Variants in PPP1R12B observed in about 807,000 individuals in gnomAD.
PPP1R12B encodes the protein myosin phosphatase target subunit 2.
A neutral mutation model predicts 126.1 loss-of-function variants in PPP1R12B; 76 were observed. The observed-to-expected ratio is 0.60, with a 90% CI of 0.50 to 0.73. PPP1R12B has a LOEUF of 0.73. Ranked by LOEUF, PPP1R12B falls within the 30% of genes least tolerant of loss-of-function variation. PPP1R12B has a pLI of 0.00. For missense variants in PPP1R12B, 1,052 were observed against 1,205.1 expected (o/e 0.87, Z 1.88); for synonymous variants, 356 against 434.7 (o/e 0.82, Z 2.25).
Position 202,434,523 on chromosome 1 carries a change from T to C in PPP1R12B, c.1142-133T>C, listed in dbSNP as rs113510406. ...CAAGAGTTTACAAGTTGTTAGTTTATATCCAAGCATTACAGGGCCTTAATA... is the reference window on the plus strand; with the variant it reads ...CAAGAGTTTACAAGTTGTTAGTTTACATCCAAGCATTACAGGGCCTTAATA... On this transcript the variant is annotated intron_variant, in intron 8 of 23. Transcript: ENST00000608999. 1.7e-4 allele frequency: 192 copies of C among 1,153,998 alleles called. No homozygotes were observed. The African/African-American group carries it at 2.2e-3, about 13-fold the overall frequency. The allele number at this position is 1,153,998 out of a possible 1,614,324, so 71.5% of individuals were successfully genotyped here.
intron 13 of PPP1R12B, among the ~76,000 whole-genome samples, chr1:202,479,910 T>A (rs1483039886): frequency 6.6e-6 from 1 of 152,160 alleles, no homozygotes; most frequent in Non-Finnish European, 1.5e-5. Context: ...TTAGCCTAAC[T>A]GCCAGGGGGA....
chr1:202,381,872 A>G (rs1662335159), intron 1 of PPP1R12B, among the ~76,000 whole-genome samples: 2 of 152,184 alleles, frequency 1.3e-5, no homozygotes, highest in Non-Finnish European at 2.9e-5. Flanking sequence ...GGCTGGAAGG[A>G]TCTGTAAACC....
chr1:202,533,816 G>C (rs1684253262), intron 18 of PPP1R12B, among the ~76,000 whole-genome samples: 1 of 152,148 alleles, frequency 6.6e-6, no homozygotes, highest in Admixed American at 6.5e-5. Context: ...GGATTGAGAT[G>C]ACGTCTGCCA....
intron 18 of PPP1R12B, among the ~76,000 whole-genome samples, chr1:202,507,599 G>A (rs12723558): frequency 6.6e-6 from 1 of 152,076 alleles, no homozygotes; most frequent in Non-Finnish European, 1.5e-5. Flanking sequence ...TTTAAAAAAC[G>A]TATTCAAAAC....
chr1:202,353,799 A>G (rs1446280308), intron 1 of PPP1R12B, among the ~76,000 whole-genome samples: 2 of 151,852 alleles, frequency 1.3e-5, no homozygotes, highest in Non-Finnish European at 2.9e-5. Flanking sequence ...TTTTGTAGAC[A>G]AGGGGGTCTC....
At chr1:202,567,936 G>C in intron 22 of PPP1R12B, 105 bp downstream of exon 22, 1 of 1,356,672 alleles carries the variant, frequency 7.4e-7, no homozygotes, top group Admixed American at 1.9e-5. Context: ...TTAAGAAGGA[G>C]GGAGTTCTGC....
At chr1:202,440,629 C>T in intron 10 of PPP1R12B, 77 bp from the exon 11 acceptor site, 1 of 1,078,222 alleles carries the variant, frequency 9.3e-7, no homozygotes. Flanking sequence ...ATATTAAGTT[C>T]TGCTTTTTTA....
intron 1 of PPP1R12B, among the ~76,000 whole-genome samples, chr1:202,365,667 T>C (rs1052844671): frequency 2.0e-5 from 3 of 152,166 alleles, no homozygotes; most frequent in Non-Finnish European, 1.5e-5. Context: ...GTCTTCTACC[T>C]AGGTTGTGCT....
chr1:202,486,291 A>G (rs910513895), intron 13 of PPP1R12B, among the ~76,000 whole-genome samples: 4 of 152,122 alleles, frequency 2.6e-5, no homozygotes, highest in African/African-American at 9.6e-5. Flanking sequence ...GGGGTTCTCA[A>G]TAATTTTAAA....
chr1:202,496,727 T>C, intron 17 of PPP1R12B, 54 bp from the exon 18 acceptor site: 1 of 1,517,510 alleles, frequency 6.6e-7, no homozygotes, highest in Non-Finnish European at 9.1e-7. Context: ...CTTGTTGCTT[T>C]CAAGGATGTC....
At chr1:202,378,126 C>G (rs1661558895) in intron 1 of PPP1R12B, among the ~76,000 whole-genome samples, 1 of 152,104 alleles carries the variant, frequency 6.6e-6, no homozygotes, top group Non-Finnish European at 1.5e-5. Context: ...GCGTGAGCCA[C>G]CGCGCCCAGC....
chr1:202,513,152 T>G (rs1284650276), intron 18 of PPP1R12B, among the ~76,000 whole-genome samples: 1 of 152,212 alleles, frequency 6.6e-6, no homozygotes, highest in East Asian at 1.9e-4. Context: ...TTTTGTATTT[T>G]TGGTAGAGAT....
Position 202,592,323 on chromosome 1 carries a change from C to T in PPP1R12B, c.*11763C>T, listed in dbSNP as rs1311918762. 1.3e-5 allele frequency: 2 copies of T among 152,690 alleles called. No homozygotes were observed. Among genetic ancestry groups the T allele is most frequent in the African/African-American group, 4.8e-5 (2 of 41,456 alleles). 9.5% of individuals were successfully genotyped at this position (152,690 alleles called of 1,614,324 possible). Reference sequence around the variant, plus strand: ...CAGGGTCCTCCAGCATCTCCCAAGGCAGGGCTGGACTGGAGCAGGCACCGA... The same window carrying T: ...CAGGGTCCTCCAGCATCTCCCAAGGTAGGGCTGGACTGGAGCAGGCACCGA... On this transcript the variant is annotated 3_prime_UTR_variant, in exon 24 of 24. Coordinates refer to ENST00000608999, the MANE Select transcript of PPP1R12B (RefSeq NM_002481.4).
intron 13 of PPP1R12B, among the ~76,000 whole-genome samples, chr1:202,463,431 G>C (rs1674571885): frequency 6.6e-6 from 1 of 152,022 alleles, no homozygotes; most frequent in Non-Finnish European, 1.5e-5. Flanking sequence ...CACAGGTGAT[G>C]GTTTATTATT....
At position 202,420,437 on chromosome 1, in the gene PPP1R12B, T is replaced by G. The variant is rs191674322; in HGVS notation, c.423-2183T>G. 1.3e-3 allele frequency among the ~76,000 whole-genome samples: 192 copies of G among 152,332 alleles called. 4 individuals are homozygous for G. The highest frequency in any genetic ancestry group is 1.6e-4 in the Non-Finnish European group (11 of 68,026). On this transcript the variant is annotated intron_variant, in intron 2 of 23. Coordinates refer to ENST00000608999, the MANE Select transcript of PPP1R12B (RefSeq NM_002481.4). ...CAAGGGAAAATAGAAGGGAGAGTGT[T>G]CCACCTAGTTGGAAGAAACAAGCTG...
chr1:202,379,635 T>G (rs1193963455), intron 1 of PPP1R12B, among the ~76,000 whole-genome samples: 1 of 152,274 alleles, frequency 6.6e-6, no homozygotes, highest in East Asian at 1.9e-4. Context: ...AATAAATGAA[T>G]GCATGATTGC....
At chr1:202,555,721 A>G (rs1377382602) in intron 18 of PPP1R12B, among the ~76,000 whole-genome samples, 1 of 152,114 alleles carries the variant, frequency 6.6e-6, no homozygotes, top group African/African-American at 2.4e-5. Flanking sequence ...TATGAAGGGT[A>G]TAGTTTGAAG....
chr1:202,354,795 G>A (rs1175379315), intron 1 of PPP1R12B, among the ~76,000 whole-genome samples: 1 of 149,928 alleles, frequency 6.7e-6, no homozygotes, highest in Non-Finnish European at 1.5e-5. Context: ...TTACAGGGGG[G>A]TGACACCACG....
chr1:202,440,227 C>A (rs1272978672), intron 10 of PPP1R12B, among the ~76,000 whole-genome samples: 2 of 152,112 alleles, frequency 1.3e-5, no homozygotes, highest in Non-Finnish European at 2.9e-5. Flanking sequence ...TGCTTTATAT[C>A]TCTGGAGACT....
Sources: allele counts gnomAD v4.1 joint callset (sites outside exome capture counted in the v4.1 genomes callset), GRCh38; gene constraint gnomAD v4.1.1; transcripts MANE v1.5; gene names NCBI Gene and HGNC (gene_info 2026-07-23, HGNC 2026-07-21).